TFCP2L1: variants seen among roughly 807,000 people sequenced by gnomAD.
TFCP2L1 encodes the protein transcription factor CP2-like protein 1.
In TFCP2L1, 12 loss-of-function variants were observed where a neutral mutation model predicts 72.2. That is an observed-to-expected ratio of 0.17 (90% CI 0.11 to 0.27). The LOEUF (loss-of-function observed/expected upper bound fraction) is 0.27, where lower values mean the gene tolerates loss of function less well. Ranked by LOEUF, TFCP2L1 falls within the 10% of genes least tolerant of loss-of-function variation. TFCP2L1 has a pLI of 1.00. For synonymous variants in TFCP2L1, 260 were observed against 251.0 expected (o/e 1.04, Z -0.34); for missense variants, 488 against 624.6 (o/e 0.78, Z 2.33).
chr2:121,248,325 T>A, intron 4 of TFCP2L1, 55 bp from the exon 5 acceptor site: 1 of 1,431,198 alleles, frequency 7.0e-7, no homozygotes, highest in Non-Finnish European at 9.6e-7. Context: ...TCCCAAATAT[T>A]TAGGGAAAGA....
chr2:121,257,296 G>A (rs1039704104), intron 2 of TFCP2L1, among the ~76,000 whole-genome samples: 8 of 151,338 alleles, frequency 5.3e-5, no homozygotes, highest in African/African-American at 1.5e-4. Context: ...GCTATAGCCC[G>A]AGGGTATCCA....
intron 13 of TFCP2L1, among the ~76,000 whole-genome samples, chr2:121,231,141 C>G (rs1285524947): frequency 6.6e-6 from 1 of 152,122 alleles, no homozygotes; most frequent in African/African-American, 2.4e-5. Flanking sequence ...TAGAGGCAGA[C>G]AGGATTAAAT....
chr2:121,242,680 G>C (rs139165038), intron 6 of TFCP2L1, among the ~76,000 whole-genome samples: 1 of 152,300 alleles, frequency 6.6e-6, no homozygotes, highest in African/African-American at 2.4e-5. Context: ...TGCTGCTCAA[G>C]GGGAAAAGAT....
chr2:121,248,125 C>A lies in TFCP2L1; in HGVS notation c.504+39G>T, dbSNP rs1434836524. On this transcript the variant is annotated intron_variant, in intron 5 of 14. Transcript: ENST00000263707. ...AACTGCACGCAGGCCACCCCAAAGA[C>A]TAGGTCTTCCCCTGGAGGGCAAGCT... 2.5e-6 allele frequency: 4 copies of A among 1,589,666 alleles called. No individual in the cohort carries two copies. The Admixed American group carries it at 5.1e-5, about 20-fold the overall frequency.
chr2:121,253,020 T>C (rs1315349223), intron 2 of TFCP2L1, among the ~76,000 whole-genome samples: 3 of 152,206 alleles, frequency 2.0e-5, no homozygotes, highest in Admixed American at 2.0e-4. Context: ...AAAAGTTTGC[T>C]GAGCAACAAT....
intron 2 of TFCP2L1, among the ~76,000 whole-genome samples, chr2:121,275,312 T>C (rs942774972): frequency 1.4e-5 from 2 of 139,112 alleles, no homozygotes; most frequent in African/African-American, 5.4e-5. Flanking sequence ...GGCAGGAGAA[T>C]GGCGTGAACC....
chr2:121,280,781 AAAAG>A (rs1160810520), intron 2 of TFCP2L1, among the ~76,000 whole-genome samples: 18 of 150,372 alleles, frequency 1.2e-4, no homozygotes, highest in African/African-American at 1.7e-4. Context: ...AAAAAAAAAA[AAAAG>A]AAAGAAAGAA....
At chr2:121,241,388 G>A (rs927397478) in intron 7 of TFCP2L1, among the ~76,000 whole-genome samples, 6 of 152,092 alleles carry the variant, frequency 3.9e-5, no homozygotes, top group African/African-American at 1.4e-4. Context: ...CCCAGGTACT[G>A]GGGGAGGCCG....
intron 2 of TFCP2L1, among the ~76,000 whole-genome samples, chr2:121,255,868 G>A (rs879448635): frequency 6.6e-6 from 1 of 151,734 alleles, no homozygotes; most frequent in Non-Finnish European, 1.5e-5. Flanking sequence ...TCAGGCTCCC[G>A]AGTAGCTGGG....
At chr2:121,283,015 C>T (rs984749044) in intron 1 of TFCP2L1, among the ~76,000 whole-genome samples, 2 of 152,198 alleles carry the variant, frequency 1.3e-5, no homozygotes, top group African/African-American at 4.8e-5. Flanking sequence ...AGGGCACACT[C>T]CCAGCCCGGG....
chr2:121,240,418 A>G, intron 7 of TFCP2L1: 1 of 985,394 alleles, frequency 1.0e-6, no homozygotes, highest in African/African-American at 1.7e-5. Flanking sequence ...GAGAGGGCCA[A>G]TTTGAAGCAT....
chr2:121,268,917 T>G (rs891147843), intron 2 of TFCP2L1, among the ~76,000 whole-genome samples: 3 of 151,522 alleles, frequency 2.0e-5, no homozygotes, highest in African/African-American at 7.3e-5. Flanking sequence ...TCAGTTATTG[T>G]GGGACAATGT....
At chr2:121,269,184 C>T (rs1686993416) in intron 2 of TFCP2L1, among the ~76,000 whole-genome samples, 1 of 152,076 alleles carries the variant, frequency 6.6e-6, no homozygotes, top group Non-Finnish European at 1.5e-5. Context: ...CAGTGGCTTA[C>T]ACCTGTAATC....
intron 2 of TFCP2L1, among the ~76,000 whole-genome samples, chr2:121,270,988 G>C (rs930418135): frequency 1.3e-5 from 2 of 151,088 alleles, no homozygotes; most frequent in Admixed American, 6.6e-5. Context: ...TCAGGAGTTC[G>C]AAACCACCCT....
At chr2:121,237,772 C>T (rs769182048) in intron 9 of TFCP2L1, 30 bp downstream of exon 9, 4 of 1,613,904 alleles carry the variant, frequency 2.5e-6, no homozygotes, top group African/African-American at 1.3e-5. Context: ...CGAGGGACCA[C>T]CAGCCAGAAA....
rs1363023345 is a variant in TFCP2L1, at chr2:121,231,839, A to G, written c.1328T>C (p.Val443Ala). The G allele has an allele frequency of 6.2e-7, 1 of 1,612,734 alleles. No homozygotes were observed. The highest frequency in any genetic ancestry group is 1.1e-5 in the South Asian group (1 of 90,984). Reference sequence around the variant, plus strand: ...AGCAGCCCTCACCTCGTTGCTCACCACCACATGGATGCCCGTGGGGCCCTG... The same window carrying G: ...AGCAGCCCTCACCTCGTTGCTCACCGCCACATGGATGCCCGTGGGGCCCTG... ...YRQGPTGIHVVVSNEMVQNFQ... is the reference protein window; with the variant it reads ...YRQGPTGIHVAVSNEMVQNFQ... The change falls in exon 13 of 15, where the codon GTG becomes GCG. Residue 443 changes from valine to alanine, a missense_variant. Val to Ala is a moderately conservative substitution (Grantham distance 64). Around this residue, in one of 3 missense-constraint regions of TFCP2L1, gnomAD observed 286 missense variants for 329.0 expected, o/e 0.87. Transcript: ENST00000263707.
In TFCP2L1 at chr2:121,225,543, G is replaced by T. The variant is rs773158379; in HGVS notation, c.1393+19C>A. On this transcript the variant is annotated intron_variant, in intron 14 of 14. Coordinates refer to ENST00000263707, the MANE Select transcript of TFCP2L1 (RefSeq NM_014553.3). ...TCACCTGCCCCCACAACTACCCTAG[G>T]GGGAGGGGGAGGCTTCACCTTTAAT... 44 of 1,613,436 alleles carry T rather than the reference G, an allele frequency of 2.7e-5. No individual in the cohort carries two copies. In the East Asian group the frequency reaches 6.9e-4, roughly 25 times the overall value.
At chr2:121,268,352 C>CATTTATTT (rs756821808) in intron 2 of TFCP2L1, among the ~76,000 whole-genome samples, 2 of 151,506 alleles carry the variant, frequency 1.3e-5, no homozygotes, top group African/African-American at 4.9e-5. Flanking sequence ...GTATCTTTCC[C>CATTTATTT]ATTTATTTAT....
rs755877560 is a variant in TFCP2L1, at chr2:121,225,546, G to T, written c.1393+16C>A. 6.2e-7 allele frequency: 1 copy of T among 1,613,598 alleles called. No homozygotes were observed. Among genetic ancestry groups the T allele is most frequent in the Non-Finnish European group, 8.5e-7 (1 of 1,179,660 alleles). On this transcript the variant is annotated intron_variant, in intron 14 of 14. Transcript: ENST00000263707. The stretch of plus-strand genomic sequence containing the variant: ...CCTGCCCCCACAACTACCCTAGGGG[G>T]AGGGGGAGGCTTCACCTTTAATTGT...
Sources: gnomAD v4.1 joint callset for allele counts (sites outside exome capture counted in the v4.1 genomes callset) on GRCh38, gnomAD v4.1.1 for gene constraint, gnomAD v4.1.1 regional missense constraint, MANE v1.5 for transcripts, NCBI Gene and HGNC (gene_info 2026-07-23, HGNC 2026-07-21) for gene names.